Variants in PARVA observed in about 807,000 individuals in gnomAD.
PARVA encodes the protein alpha-parvin.
Under a neutral mutation model 52.6 loss-of-function variants are expected in PARVA, and 25 were observed. The observed-to-expected ratio is 0.48, with a 90% CI of 0.35 to 0.66. The LOEUF is 0.66. Ranked by LOEUF, PARVA falls within the 30% of genes least tolerant of loss-of-function variation. PARVA has a pLI of 0.01. For missense variants in PARVA, 373 were observed against 450.9 expected (o/e 0.83, Z 1.56); for synonymous variants, 185 against 179.1 (o/e 1.03, Z -0.26).
At chr11:12,442,894 G>A (rs1264884875) in intron 1 of PARVA, among the ~76,000 whole-genome samples, 22 of 147,780 alleles carry the variant, frequency 1.5e-4, no homozygotes, top group African/African-American at 5.2e-4. Flanking sequence ...ATGGAGTCTC[G>A]CTCTGTCCCC....
intron 5 of PARVA, among the ~76,000 whole-genome samples, chr11:12,496,903 A>G (rs944693220): frequency 2.6e-4 from 39 of 152,342 alleles, no homozygotes; most frequent in African/African-American, 9.1e-4. Context: ...AAGTCCCAGC[A>G]CAGCCTTTTG....
chr11:12,423,182 ATTTT>A (rs34667589), intron 1 of PARVA, among the ~76,000 whole-genome samples: 3 of 132,922 alleles, frequency 2.3e-5, no homozygotes, highest in Admixed American at 7.7e-5. Flanking sequence ...CATTAAGGAG[ATTTT>A]TTTTTTTTTT....
At chr11:12,453,472 A>G (rs1940651437) in intron 1 of PARVA, among the ~76,000 whole-genome samples, 1 of 152,120 alleles carries the variant, frequency 6.6e-6, no homozygotes, top group Admixed American at 6.5e-5. Context: ...GCTGGAGTAG[A>G]GAGGGTGTTG....
At chr11:12,527,745 G>A in intron 12 of PARVA, 104 bp from the exon 13 acceptor site, 2 of 861,366 alleles carry the variant, frequency 2.3e-6, no homozygotes, top group Non-Finnish European at 4.0e-6. Flanking sequence ...CGAACATGCT[G>A]GGTACATGGG....
At position 12,484,850 on chromosome 11, in the gene PARVA, T is replaced by G. The variant is rs190386506; in HGVS notation, c.400+6901T>G. Among the ~76,000 whole-genome samples, 46 of 150,260 alleles carry G rather than the reference T, an allele frequency of 3.1e-4. No individual in the cohort carries two copies. The East Asian group carries it at 8.6e-3, about 28-fold the overall frequency. ...TTTTTTGAGATAGGGCCTCACTCTATTGCCTAGGCTGGAGTGCAGTGGCAC... is the reference window on the plus strand; with the variant it reads ...TTTTTTGAGATAGGGCCTCACTCTAGTGCCTAGGCTGGAGTGCAGTGGCAC... On this transcript the variant is annotated intron_variant, in intron 4 of 12. Coordinates refer to ENST00000334956, the MANE Select transcript of PARVA (RefSeq NM_018222.5).
rs10716784 is a variant in PARVA at position 12,495,656 on chromosome 11, T to TA, written c.401-793dup. Among the ~76,000 whole-genome samples the TA allele has an allele frequency of 5.7e-3, 859 of 151,666 alleles. 8 individuals are homozygous for TA. Among genetic ancestry groups the TA allele is most frequent in the African/African-American group, 0.019 (800 of 41,354 alleles). ...AGTATTAAGGTGTTATGTCATTGCATAAAAAAAAACTATTGATTTTAAAAC... is the reference window on the plus strand; with the variant it reads ...AGTATTAAGGTGTTATGTCATTGCATAAAAAAAAAACTATTGATTTTAAAAC... On this transcript the variant is annotated intron_variant, in intron 4 of 12. Coordinates refer to ENST00000334956, the MANE Select transcript of PARVA (RefSeq NM_018222.5).
rs1278784220 is a variant in PARVA at position 12,507,772 on chromosome 11, A to ATGCTGGG, written c.658-812_658-811insTGCTGGG. 5.3e-5 allele frequency among the ~76,000 whole-genome samples: 8 copies of ATGCTGGG among 152,192 alleles called. 1 individual carries two copies. The East Asian group carries it at 7.7e-4, about 15-fold the overall frequency. ...ACTAATATGCTGGGACATCAGGGAT[A>ATGCTGGG]AACCAGGACTGTTTTGGGGAAACCA... On this transcript the variant is annotated intron_variant, in intron 6 of 12. Transcript: ENST00000334956.
In PARVA at chr11:12,508,566, TC is replaced by T; in HGVS notation, c.658-14del. 1 of 1,598,250 alleles carries T rather than the reference TC, an allele frequency of 6.3e-7. No individual in the cohort carries two copies. The highest frequency in any genetic ancestry group is 8.6e-7 in the Non-Finnish European group (1 of 1,167,210). On this transcript the variant is annotated splice_polypyrimidine_tract_variant and intron_variant, in intron 6 of 12. Coordinates refer to ENST00000334956, the MANE Select transcript of PARVA (RefSeq NM_018222.5). ...TTTTCTCTTCTCCTCCCAACCCCTT[TC>T]CCCACCCCCATTTCAGAAACGAGAA...
At chr11:12,504,481 C>T (rs1039275576) in intron 6 of PARVA, 52 bp downstream of exon 6, 4 of 1,163,344 alleles carry the variant, frequency 3.4e-6, no homozygotes, top group East Asian at 4.8e-5. Context: ...TCGTGGAGGT[C>T]GAGTTCCTAT....
chr11:12,443,169 C>CT (rs1180380526), intron 1 of PARVA, among the ~76,000 whole-genome samples: 36,545 of 77,726 alleles, frequency 0.47, 10,618 homozygotes, highest in East Asian at 0.76. Context: ...CGCCCCCCTT[C>CT]TTTTTTTTTT....
chr11:12,498,834 A>G (rs1162297254), intron 5 of PARVA, among the ~76,000 whole-genome samples: 1 of 152,188 alleles, frequency 6.6e-6, no homozygotes, highest in African/African-American at 2.4e-5. Flanking sequence ...GGCCTCCCAA[A>G]GTGCCAGGAT....
intron 10 of PARVA, among the ~76,000 whole-genome samples, chr11:12,514,397 A>G (rs937714778): frequency 2.6e-5 from 4 of 152,190 alleles, no homozygotes; most frequent in East Asian, 1.9e-4. Context: ...CCACAACACA[A>G]TTATCAAAGG....
At chr11:12,425,741 A>G (rs1000190294) in intron 1 of PARVA, among the ~76,000 whole-genome samples, 3 of 152,126 alleles carry the variant, frequency 2.0e-5, no homozygotes, top group Admixed American at 6.6e-5. Context: ...GAAGTCTTCT[A>G]TTTCTTTTGT....
At chr11:12,509,290 C>T (rs1941475264) in intron 7 of PARVA, among the ~76,000 whole-genome samples, 1 of 152,108 alleles carries the variant, frequency 6.6e-6, no homozygotes, top group African/African-American at 2.4e-5. Flanking sequence ...CTGAGTCCCC[C>T]TTGAACAAGA....
chr11:12,419,137 A>G (rs993009945), intron 1 of PARVA, among the ~76,000 whole-genome samples: 2 of 152,222 alleles, frequency 1.3e-5, no homozygotes, highest in Non-Finnish European at 2.9e-5. Flanking sequence ...AGTAAAATAC[A>G]TATAACTTAA....
intron 1 of PARVA, among the ~76,000 whole-genome samples, chr11:12,442,867 C>CT (rs66540463): frequency 0.53 from 76,983 of 144,990 alleles, 21,197 homozygotes; most frequent in South Asian, 0.77. Context: ...ACTTGACTTC[C>CT]TTTTTTTTTT....
At chr11:12,514,719 C>G (rs890068603) in intron 10 of PARVA, among the ~76,000 whole-genome samples, 7 of 152,226 alleles carry the variant, frequency 4.6e-5, no homozygotes, top group African/African-American at 1.7e-4. Context: ...ACTCAGACCT[C>G]AGGTGATCCA....
At chr11:12,501,078 A>G (rs1243310015) in intron 5 of PARVA, among the ~76,000 whole-genome samples, 1 of 151,222 alleles carries the variant, frequency 6.6e-6, no homozygotes, top group African/African-American at 2.5e-5. Flanking sequence ...ATTGCACTCC[A>G]ACCTGGGCGA....
chr11:12,473,304 T>C (rs4757505), intron 1 of PARVA, among the ~76,000 whole-genome samples: 51 of 152,172 alleles, frequency 3.4e-4, no homozygotes, highest in Admixed American at 3.1e-3. Flanking sequence ...GAACGGAGGA[T>C]GGAAATGCCT....
Sources: gnomAD v4.1 joint callset for allele counts (sites outside exome capture counted in the v4.1 genomes callset) on GRCh38, gnomAD v4.1.1 for gene constraint, MANE v1.5 for transcripts, NCBI Gene and HGNC (gene_info 2026-07-23, HGNC 2026-07-21) for gene names.